The following LSAMP variants were observed in gnomAD, a reference collection of about 807,000 sequenced individuals.
The protein encoded by LSAMP is limbic system associated membrane protein.
A neutral mutation model predicts 38.6 loss-of-function variants in LSAMP; 7 were observed. The observed-to-expected ratio is 0.18, with a 90% CI of 0.10 to 0.34. LSAMP has a LOEUF of 0.34. Among genes scored for constraint, LSAMP ranks in the 10% least tolerant of loss-of-function variants. LSAMP has a pLI of 1.00. For missense variants in LSAMP, 313 were observed against 420.0 expected (o/e 0.75, Z 2.23); for synonymous variants, 154 against 166.8 (o/e 0.92, Z 0.59).
intron 2 of LSAMP, among the ~76,000 whole-genome samples, chr3:116,024,369 T>C (rs1028901150): frequency 6.6e-6 from 1 of 152,220 alleles, no homozygotes; most frequent in Non-Finnish European, 1.5e-5. Flanking sequence ...CAGAAAGGAA[T>C]AAGTTTTCAT....
At chr3:116,288,704 G>C (rs933225327) in intron 1 of LSAMP, among the ~76,000 whole-genome samples, 1 of 152,090 alleles carries the variant, frequency 6.6e-6, no homozygotes, top group Non-Finnish European at 1.5e-5. Flanking sequence ...TTGATCTCTT[G>C]AGTTTACAGC....
intron 3 of LSAMP, among the ~76,000 whole-genome samples, chr3:115,938,135 T>C (rs936554965): frequency 1.3e-5 from 2 of 152,134 alleles, no homozygotes; most frequent in Non-Finnish European, 2.9e-5. Flanking sequence ...TTTACAAAGG[T>C]CTTTAGATTT....
At chr3:116,321,934 G>T (rs1381004232) in intron 1 of LSAMP, among the ~76,000 whole-genome samples, 1 of 152,118 alleles carries the variant, frequency 6.6e-6, no homozygotes, top group African/African-American at 2.4e-5. Flanking sequence ...ATGGTTTAGT[G>T]ATGCTTATTT....
At chr3:116,063,900 A>AT (rs1201112635) in intron 2 of LSAMP, among the ~76,000 whole-genome samples, 1 of 152,072 alleles carries the variant, frequency 6.6e-6, no homozygotes, top group Admixed American at 6.5e-5. Flanking sequence ...CCAACATCTA[A>AT]TTTTTTCTCT....
intron 1 of LSAMP, among the ~76,000 whole-genome samples, chr3:116,139,153 A>C (rs1422774108): frequency 7.2e-5 from 11 of 152,042 alleles, no homozygotes; most frequent in African/African-American, 2.4e-4. Flanking sequence ...AGGTAACAGT[A>C]CTTTTAAATT....
chr3:116,329,274 C>T (rs1256556430), intron 1 of LSAMP, among the ~76,000 whole-genome samples: 1 of 152,124 alleles, frequency 6.6e-6, no homozygotes, highest in Non-Finnish European at 1.5e-5. Context: ...CAAACTAAAG[C>T]AGAGAGTCAC....
chr3:115,990,722 G>A (rs1254842073), intron 3 of LSAMP, among the ~76,000 whole-genome samples: 1 of 151,888 alleles, frequency 6.6e-6, no homozygotes, highest in African/African-American at 2.4e-5. Flanking sequence ...TATCATCAAC[G>A]GCCTTGTCTA....
At chr3:116,009,815 T>C (rs1940273075) in intron 3 of LSAMP, among the ~76,000 whole-genome samples, 1 of 152,080 alleles carries the variant, frequency 6.6e-6, no homozygotes, top group Non-Finnish European at 1.5e-5. Context: ...AGCACAAGTT[T>C]ATTGGCGTGA....
intron 1 of LSAMP, among the ~76,000 whole-genome samples, chr3:116,100,910 A>G (rs556137890): frequency 6.6e-5 from 10 of 152,336 alleles, no homozygotes; most frequent in African/African-American, 1.9e-4. Context: ...GCTCCTGCTT[A>G]CTATACAAAA....
At chr3:116,423,461 T>C (rs1300896244) in intron 1 of LSAMP, among the ~76,000 whole-genome samples, 1 of 152,156 alleles carries the variant, frequency 6.6e-6, no homozygotes. Flanking sequence ...AGGAAAGCAA[T>C]GTTAAAGATG....
chr3:116,047,701 A>G (rs1048782745), intron 2 of LSAMP, among the ~76,000 whole-genome samples: 4 of 152,194 alleles, frequency 2.6e-5, no homozygotes, highest in Admixed American at 6.5e-5. Flanking sequence ...CTGTGTGCCA[A>G]CTGGACCCTG....
At chr3:116,062,515 C>CA (rs921882530) in intron 2 of LSAMP, among the ~76,000 whole-genome samples, 23 of 150,752 alleles carry the variant, frequency 1.5e-4, no homozygotes, top group African/African-American at 5.1e-4. Flanking sequence ...GACTCCCTCT[C>CA]AAAAAAAAAT....
At chr3:115,915,084 G>A (rs1241743698) in intron 3 of LSAMP, among the ~76,000 whole-genome samples, 2 of 152,176 alleles carry the variant, frequency 1.3e-5, no homozygotes, top group African/African-American at 4.8e-5. Flanking sequence ...GAAAAGGGAT[G>A]TCCTCTTACC....
At chr3:116,265,447 A>C (rs1416974960) in intron 1 of LSAMP, among the ~76,000 whole-genome samples, 4 of 152,326 alleles carry the variant, frequency 2.6e-5, no homozygotes, top group African/African-American at 9.6e-5. Flanking sequence ...TTGACGGTTC[A>C]TAGCCTGCCA....
intron 1 of LSAMP, among the ~76,000 whole-genome samples, chr3:116,317,501 G>T (rs961624273): frequency 3.3e-5 from 5 of 151,964 alleles, no homozygotes; most frequent in Admixed American, 3.3e-4. Context: ...GACTACAGGC[G>T]CCCGCCACCA....
chr3:116,320,152 C>T (rs113013605), intron 1 of LSAMP, among the ~76,000 whole-genome samples: 44 of 152,198 alleles, frequency 2.9e-4, no homozygotes, highest in Non-Finnish European at 2.6e-4. Flanking sequence ...TGGTGGCTCA[C>T]GCCTGTAATC....
intron 3 of LSAMP, among the ~76,000 whole-genome samples, chr3:115,963,203 T>C (rs1468743400): frequency 6.6e-6 from 1 of 152,206 alleles, no homozygotes; most frequent in East Asian, 1.9e-4. Context: ...TACTAAATAA[T>C]GTGATTAGAA....
chr3:116,407,668 A>G (rs1291568964), intron 1 of LSAMP, among the ~76,000 whole-genome samples: 1 of 152,128 alleles, frequency 6.6e-6, no homozygotes, highest in Non-Finnish European at 1.5e-5. Flanking sequence ...CTTCATGACT[A>G]TGGTACATGA....
At chr3:115,878,056 C>T (rs998963946) in intron 3 of LSAMP, among the ~76,000 whole-genome samples, 28 of 152,148 alleles carry the variant, frequency 1.8e-4, no homozygotes, top group African/African-American at 6.3e-4. Flanking sequence ...CGCGGAGACA[C>T]GATTGTTCTG....
Sources: gnomAD v4.1 joint callset for allele counts (sites outside exome capture counted in the v4.1 genomes callset) on GRCh38, gnomAD v4.1.1 for gene constraint, MANE v1.5 for transcripts, NCBI Gene and HGNC (gene_info 2026-07-23, HGNC 2026-07-21) for gene names.